ADARB2: variants seen among roughly 807,000 people sequenced by gnomAD.
ADARB2 encodes adenosine deaminase RNA specific B2 (inactive).
In ADARB2, 25 loss-of-function variants were observed where a neutral mutation model predicts 62.2. The observed-to-expected ratio is 0.40, with a 90% CI of 0.29 to 0.56. The LOEUF is 0.56. Among genes scored for constraint, ADARB2 ranks in the 20% least tolerant of loss-of-function variants. ADARB2 has a pLI of 0.43. For missense variants in ADARB2, 1,071 were observed against 1,077.4 expected (o/e 0.99, Z 0.08); for synonymous variants, 572 against 500.8 (o/e 1.14, Z -1.90).
chr10:1,549,321 T>G (rs1372640264), intron 1 of ADARB2, among the ~76,000 whole-genome samples: 2 of 152,140 alleles, frequency 1.3e-5, no homozygotes, highest in Non-Finnish European at 2.9e-5. Context: ...TCAAAAAAAT[T>G]CGACTGTCTC....
chr10:1,419,349 C>T (rs941230186), intron 1 of ADARB2, among the ~76,000 whole-genome samples: 4 of 152,138 alleles, frequency 2.6e-5, no homozygotes, highest in African/African-American at 9.7e-5. Context: ...ATCATTTTAT[C>T]TTTTTGGTGT....
At chr10:1,676,419 A>G (rs894990847) in intron 1 of ADARB2, among the ~76,000 whole-genome samples, 6 of 152,238 alleles carry the variant, frequency 3.9e-5, no homozygotes, top group Non-Finnish European at 7.3e-5. Context: ...TCATGAAGGC[A>G]CCATGTTTGA....
chr10:1,234,280 C>T (rs559360955), intron 5 of ADARB2, among the ~76,000 whole-genome samples: 13 of 151,266 alleles, frequency 8.6e-5, no homozygotes, highest in East Asian at 4.0e-4. Flanking sequence ...TGAGCCGCTG[C>T]GCCTGGCCCC....
intron 1 of ADARB2, among the ~76,000 whole-genome samples, chr10:1,516,781 C>T (rs1023546775): frequency 2.0e-5 from 3 of 152,256 alleles, no homozygotes; most frequent in Admixed American, 2.0e-4. Flanking sequence ...TGAGGATAAT[C>T]GGTAAAGTGA....
At chr10:1,436,134 A>C (rs1830832514) in intron 1 of ADARB2, among the ~76,000 whole-genome samples, 1 of 151,960 alleles carries the variant, frequency 6.6e-6, no homozygotes, top group South Asian at 2.1e-4. Context: ...TGTGTACGTG[A>C]TATGTGTTTG....
chr10:1,406,920 C>T (rs558662092), intron 1 of ADARB2, among the ~76,000 whole-genome samples: 1 of 152,188 alleles, frequency 6.6e-6, no homozygotes, highest in Non-Finnish European at 1.5e-5. Context: ...TTATGCCCCC[C>T]TCGCCAGAAG....
At chr10:1,306,448 T>G (rs1831630019) in intron 3 of ADARB2, among the ~76,000 whole-genome samples, 1 of 151,954 alleles carries the variant, frequency 6.6e-6, no homozygotes, top group East Asian at 1.9e-4. Flanking sequence ...TGCTCATGGG[T>G]AGGAAGAATC....
At chr10:1,556,144 G>T (rs1311803790) in intron 1 of ADARB2, among the ~76,000 whole-genome samples, 2 of 152,172 alleles carry the variant, frequency 1.3e-5, no homozygotes, top group East Asian at 3.9e-4. Flanking sequence ...CCCAGGATGA[G>T]GGGGCACCTT....
intron 1 of ADARB2, among the ~76,000 whole-genome samples, chr10:1,676,983 GC>G (rs574398970): frequency 9.1e-4 from 138 of 152,262 alleles, no homozygotes; most frequent in Non-Finnish European, 1.6e-3. Context: ...CTGGGGAGGA[GC>G]CCCCCTGACC....
At chr10:1,629,700 A>G (rs1833819045) in intron 1 of ADARB2, among the ~76,000 whole-genome samples, 3 of 151,830 alleles carry the variant, frequency 2.0e-5, no homozygotes, top group Non-Finnish European at 4.4e-5. Context: ...CCAAACTGCC[A>G]TCCCTGACAA....
At chr10:1,575,504 A>C (rs1195992650) in intron 1 of ADARB2, among the ~76,000 whole-genome samples, 1 of 151,974 alleles carries the variant, frequency 6.6e-6, no homozygotes, top group African/African-American at 2.4e-5. Flanking sequence ...GGCATGCAGC[A>C]CTCAGCACCA....
chr10:1,610,146 G>T (rs763600256), intron 1 of ADARB2, among the ~76,000 whole-genome samples: 1 of 152,032 alleles, frequency 6.6e-6, no homozygotes, highest in Non-Finnish European at 1.5e-5. Flanking sequence ...AGTGATAAAT[G>T]CTCCTAGGCC....
At chr10:1,297,165 C>T (rs1349381209) in intron 3 of ADARB2, among the ~76,000 whole-genome samples, 3 of 152,148 alleles carry the variant, frequency 2.0e-5, no homozygotes, top group East Asian at 3.9e-4. Context: ...GATTTAGAAA[C>T]GAAATTATCC....
At chr10:1,317,757 G>GA (rs915938016) in intron 3 of ADARB2, among the ~76,000 whole-genome samples, 1 of 148,702 alleles carries the variant, frequency 6.7e-6, no homozygotes, top group African/African-American at 2.5e-5. Context: ...AGGCCTGGGG[G>GA]GGGGTGGGTC....
chr10:1,307,983 T>G, intron 3 of ADARB2, among the ~76,000 whole-genome samples: 1 of 144,392 alleles, frequency 6.9e-6, no homozygotes. Flanking sequence ...TAATGCTAGA[T>G]GACAAGTTAG....
At chr10:1,714,615 C>T (rs971361563) in intron 1 of ADARB2, among the ~76,000 whole-genome samples, 2 of 152,190 alleles carry the variant, frequency 1.3e-5, no homozygotes, top group Non-Finnish European at 2.9e-5. Flanking sequence ...AGTAACTTTA[C>T]TTGTCTTTCA....
rs979062217 is a variant in ADARB2 at position 1,255,329 on chromosome 10, G to A, written c.1193-13030C>T. ...TCACTGGCCCTGGGTGCCACGTCAC[G>A]TAGCTTGTCCTCGTCAGTGCAGCTG... is the stretch of plus-strand genomic sequence containing the variant. On this transcript the variant is annotated intron_variant, in intron 4 of 9. Coordinates refer to ENST00000381312, the MANE Select transcript of ADARB2 (RefSeq NM_018702.4). The surrounding 1 kb of genome is among the most constrained non-coding windows in gnomAD (Gnocchi z 4.7). Among the ~76,000 whole-genome samples the A allele has an allele frequency of 3.3e-5, 5 of 152,360 alleles. No homozygotes were observed. The highest frequency in any genetic ancestry group is 1.9e-4 in the East Asian group (1 of 5,186).
At chr10:1,247,578 C>T (rs1232276463) in intron 4 of ADARB2, among the ~76,000 whole-genome samples, 3 of 152,188 alleles carry the variant, frequency 2.0e-5, no homozygotes, top group Non-Finnish European at 4.4e-5. Context: ...GTCATCATCT[C>T]TCCCCTCGGT....
Position 1,363,500 on chromosome 10 carries a change from A to C in ADARB2, c.605T>G (p.Met202Arg). ...FPNACQAHLA[M>R]GGGPGPGTDF... ...CGTGCCGGGGCCCGGGCCCCCGCCC[A>C]TGGCCAGGTGCGCCTGGCAGGCGTT... Residue 202 changes from methionine to arginine, a missense_variant, in exon 3 of 10, where the codon ATG (methionine) becomes AGG (arginine). Met to Arg is a moderately conservative substitution (Grantham distance 91). Transcript: ENST00000381312. The C allele has an allele frequency of 1.3e-6, 2 of 1,523,582 alleles. No individual in the cohort carries two copies. Among genetic ancestry groups the C allele is most frequent in the Admixed American group, 2.1e-5 (1 of 47,330 alleles). The allele number at this position is 1,523,582 out of a possible 1,614,324, so 94.4% of individuals were successfully genotyped here.
Sources: allele counts gnomAD v4.1 joint callset (sites outside exome capture counted in the v4.1 genomes callset), GRCh38; gene constraint gnomAD v4.1.1; non-coding constraint Gnocchi (gnomAD v3.1); transcripts MANE v1.5; gene names NCBI Gene and HGNC (gene_info 2026-07-23, HGNC 2026-07-21).